Variants in PRKG1 observed in about 807,000 individuals in gnomAD.
PRKG1 encodes cGMP-dependent protein kinase 1.
A neutral mutation model predicts 88.1 loss-of-function variants in PRKG1; 35 were observed. That is an observed-to-expected ratio of 0.40 (90% CI 0.30 to 0.53). The LOEUF is 0.53. PRKG1 is among the 20% of genes least tolerant of loss of function. The probability of loss-of-function intolerance (pLI) is 0.59; values close to 1 mark genes in which losing one functional copy is unlikely to be tolerated. For synonymous variants in PRKG1, 303 were observed against 292.5 expected, an observed-to-expected ratio of 1.04 and a Z score of -0.37; for missense variants, 540 against 839.8, an observed-to-expected ratio of 0.64 and a Z score of 4.41.
chr10:51,417,157 A>G (rs558734643), intron 2 of PRKG1, among the ~76,000 whole-genome samples: 1 of 152,318 alleles, frequency 6.6e-6, no homozygotes, highest in East Asian at 1.9e-4. Context: ...ACCAACAAGA[A>G]ACCAATATCA....
At chr10:51,327,846 G>A (rs764556018) in intron 2 of PRKG1, among the ~76,000 whole-genome samples, 1 of 152,102 alleles carries the variant, frequency 6.6e-6, no homozygotes, top group African/African-American at 2.4e-5. Flanking sequence ...ATCACTGACC[G>A]AAATATCATT....
intron 3 of PRKG1, among the ~76,000 whole-genome samples, chr10:51,616,243 A>G (rs75787145): frequency 0.022 from 3,302 of 152,272 alleles, 133 homozygotes; most frequent in African/African-American, 0.075. Flanking sequence ...AGGGTGGTGT[A>G]TACCTGCACT....
intron 1 of PRKG1, among the ~76,000 whole-genome samples, chr10:51,123,703 A>AC (rs1334119279): frequency 6.6e-6 from 1 of 151,842 alleles, no homozygotes; most frequent in Non-Finnish European, 1.5e-5. Context: ...AAAAAAAAAA[A>AC]AAAAATTACT....
intron 3 of PRKG1, among the ~76,000 whole-genome samples, chr10:51,767,008 AT>A (rs572729019): frequency 7.9e-5 from 12 of 152,290 alleles, no homozygotes; most frequent in South Asian, 4.1e-4. Context: ...TGTTTTTCTC[AT>A]GTTAAACTGT....
At chr10:51,796,333 A>C (rs929750481) in intron 3 of PRKG1, among the ~76,000 whole-genome samples, 2 of 152,076 alleles carry the variant, frequency 1.3e-5, no homozygotes, top group Non-Finnish European at 2.9e-5. Flanking sequence ...TTACTAGTAA[A>C]CTTTTATTTT....
chr10:51,047,931 G>A (rs745315532), intron 1 of PRKG1, among the ~76,000 whole-genome samples: 4 of 152,070 alleles, frequency 2.6e-5, no homozygotes, highest in Admixed American at 6.6e-5. Context: ...ATATCTCTGC[G>A]GTTCCTGTAG....
intron 5 of PRKG1, among the ~76,000 whole-genome samples, chr10:52,021,959 A>C (rs943522361): frequency 2.0e-5 from 3 of 152,194 alleles, no homozygotes; most frequent in Non-Finnish European, 2.9e-5. Flanking sequence ...TTAAAACTGC[A>C]CTAAACGTAA....
Position 51,000,430 on chromosome 10 carries a change from C to A in PRKG1, c.266+8786C>A, listed in dbSNP as rs578018589. Among the ~76,000 whole-genome samples, 25 of 152,236 alleles carry A rather than the reference C, an allele frequency of 1.6e-4. 1 individual carries two copies. Among genetic ancestry groups the A allele is most frequent in the African/African-American group, 6.0e-4 (25 of 41,530 alleles). ...CACTGCAGAAAAAAATGTTTGAGAG[C>A]CTCTGATCTGAGCTATGGTTCTGAA... On this transcript the variant is annotated intron_variant, in intron 1 of 17. Transcript: ENST00000401604.
chr10:51,804,322 G>C (rs1309890326), intron 3 of PRKG1, among the ~76,000 whole-genome samples: 1 of 151,994 alleles, frequency 6.6e-6, no homozygotes, highest in South Asian at 2.1e-4. Flanking sequence ...CAACCCCCAA[G>C]GGTCATAGAG....
chr10:51,493,062 G>A (rs946187028), intron 3 of PRKG1, among the ~76,000 whole-genome samples: 7 of 152,026 alleles, frequency 4.6e-5, no homozygotes, highest in Non-Finnish European at 5.9e-5. Flanking sequence ...CCTAGTAGTA[G>A]AAGACTTTAA....
chr10:51,354,986 C>T (rs1259852199), intron 2 of PRKG1, among the ~76,000 whole-genome samples: 1 of 152,052 alleles, frequency 6.6e-6, no homozygotes, highest in Non-Finnish European at 1.5e-5. Context: ...AAATTTCAGA[C>T]TCAGATGCAT....
At chr10:51,505,418 T>G (rs1278401643) in intron 3 of PRKG1, among the ~76,000 whole-genome samples, 1 of 152,202 alleles carries the variant, frequency 6.6e-6, no homozygotes, top group Non-Finnish European at 1.5e-5. Context: ...TCAAGGATAT[T>G]GGTCTAAAAT....
chr10:51,549,334 C>T lies in PRKG1; in HGVS notation c.592+81498C>T, dbSNP rs186345408. Among the ~76,000 whole-genome samples the T allele has an allele frequency of 1.1e-3, 167 of 151,306 alleles. 2 individuals are homozygous for T. Among genetic ancestry groups the T allele is most frequent in the South Asian group, 2.9e-3 (14 of 4,768 alleles). ...AGAGACAGGATTTCACCATGTTAGC[C>T]GGGATGGTCTCGATCTCCTGACCTT... is the stretch of plus-strand genomic sequence containing the variant. On this transcript the variant is annotated intron_variant, in intron 3 of 17. Transcript: ENST00000373980.
chr10:51,631,580 C>T (rs111516027), intron 3 of PRKG1, among the ~76,000 whole-genome samples: 6,238 of 152,280 alleles, frequency 0.041, 195 homozygotes, highest in South Asian at 0.1. Flanking sequence ...GCAGTCAAAG[C>T]TCTCTGCTAA....
At chr10:52,020,544 G>C (rs765003625) in intron 5 of PRKG1, among the ~76,000 whole-genome samples, 1 of 152,188 alleles carries the variant, frequency 6.6e-6, no homozygotes, top group Non-Finnish European at 1.5e-5. Flanking sequence ...GAACAGGAAA[G>C]AAAGGAAAGT....
chr10:51,074,407 A>G, upstream of PRKG1: 4 of 1,426,306 alleles, frequency 2.8e-6, no homozygotes, highest in Non-Finnish European at 3.7e-6. Flanking sequence ...TCTGCACTGA[A>G]ACTCTGGGTG....
intron 3 of PRKG1, among the ~76,000 whole-genome samples, chr10:51,736,036 G>C (rs1837269446): frequency 6.7e-6 from 1 of 149,168 alleles, no homozygotes; most frequent in Non-Finnish European, 1.5e-5. Flanking sequence ...AGGACCACAG[G>C]TGTGTGCCAC....
At chr10:51,790,540 G>T (rs1378786706) in intron 3 of PRKG1, among the ~76,000 whole-genome samples, 2 of 152,118 alleles carry the variant, frequency 1.3e-5, no homozygotes, top group Non-Finnish European at 2.9e-5. Context: ...AAGTCAAAAT[G>T]CTTAAACAGG....
At chr10:51,984,296 T>G (rs1234443008) in intron 5 of PRKG1, among the ~76,000 whole-genome samples, 1 of 152,220 alleles carries the variant, frequency 6.6e-6, no homozygotes, top group Non-Finnish European at 1.5e-5. Flanking sequence ...TTTTAAAGAT[T>G]GGCCAGTGTT....
Sources: allele counts gnomAD v4.1 joint callset (sites outside exome capture counted in the v4.1 genomes callset), GRCh38; gene constraint gnomAD v4.1.1; transcripts MANE v1.5; gene names NCBI Gene and HGNC (gene_info 2026-07-23, HGNC 2026-07-21).